The following LRRC47 variants were observed in gnomAD, a reference collection of about 807,000 sequenced individuals.
The protein encoded by LRRC47 is leucine-rich repeat-containing protein 47.
Under a neutral mutation model 40.9 loss-of-function variants are expected in LRRC47, and 31 were observed. The ratio of observed to expected loss-of-function variants is 0.76; its 90% CI spans 0.57 to 1.02. LRRC47 has a LOEUF of 1.02. Ranked by LOEUF, LRRC47 falls within the 50% of genes least tolerant of loss-of-function variation. LRRC47 has a pLI of 0.00. For missense variants in LRRC47, 726 were observed against 796.1 expected (o/e 0.91, Z 1.06); for synonymous variants, 427 against 371.9 (o/e 1.15, Z -1.70).
chr1:3,783,652 C>T (rs12563491), intron 4 of LRRC47: 26,710 of 228,866 alleles, frequency 0.12, 2,879 homozygotes, highest in East Asian at 0.51. Context: ...CAACAGCGCA[C>T]GGTATGGATA....
Position 3,796,415 on chromosome 1 carries a change from C to A in LRRC47, c.62G>T (p.Arg21Leu). The A allele has an allele frequency of 6.6e-7, 1 of 1,517,526 alleles. No individual in the cohort carries two copies. Among genetic ancestry groups the A allele is most frequent in the Non-Finnish European group, 8.8e-7 (1 of 1,140,482 alleles). The allele number at this position is 1,517,526 out of a possible 1,614,324, so 94.0% of individuals were successfully genotyped here. Residue 21 changes from arginine (R) to leucine (L), a missense_variant, in exon 1 of 7, where the codon CGG becomes CTG. By Grantham distance (102) the Arg-to-Leu change is moderately radical. Coordinates refer to ENST00000378251, the MANE Select transcript of LRRC47 (RefSeq NM_020710.3). ...PELELAERERRRELLLTGPGL... is the reference protein window; with the variant it reads ...PELELAERERLRELLLTGPGL... ...GGGCCCCGTCAGCAGCAGCTCCCGC[C>A]GCCGCTCGCGCTCAGCCAGCTCCAG...
intron 3 of LRRC47, among the ~76,000 whole-genome samples, chr1:3,784,643 A>G (rs1185344553): frequency 6.6e-6 from 1 of 152,226 alleles, no homozygotes. Context: ...AGTAACCGCA[A>G]ACGCGGTCTG....
intron 4 of LRRC47, chr1:3,783,749 C>G: frequency 1.9e-6 from 1 of 514,994 alleles, no homozygotes; most frequent in Non-Finnish European, 3.5e-6. Context: ...GGCCACCCGC[C>G]CCCTGTGGAA....
chr1:3,796,437 C>A lies in LRRC47; in HGVS notation c.40G>T (p.Glu14Ter). The A allele has an allele frequency of 6.6e-7, 1 of 1,522,334 alleles. No individual in the cohort carries two copies. Among genetic ancestry groups the A allele is most frequent in the East Asian group, 2.6e-5 (1 of 38,460 alleles). 94.3% of individuals were successfully genotyped at this position (1,522,334 alleles called of 1,614,324 possible). ...AAVSESWPEL[E>*]LAERERRREL... The stretch of plus-strand genomic sequence containing the variant: ...CGCCGCCGCTCGCGCTCAGCCAGCT[C>A]CAGCTCCGGCCAAGACTCTGACACC... Residue 14 changes from glutamate (E) to a stop codon, truncating the protein, a stop_gained, in exon 1 of 7, where the codon GAG (glutamate) becomes TAG (stop). Coordinates refer to ENST00000378251, the MANE Select transcript of LRRC47 (RefSeq NM_020710.3). LOFTEE classifies it high-confidence loss of function.
At chr1:3,784,841 C>G (rs955991618) in intron 3 of LRRC47, among the ~76,000 whole-genome samples, 2 of 152,158 alleles carry the variant, frequency 1.3e-5, no homozygotes, top group Admixed American at 6.5e-5. Flanking sequence ...ACTAAAAATA[C>G]AAAATTAGCT....
At chr1:3,794,749 A>AT (rs1447732807) in intron 1 of LRRC47, among the ~76,000 whole-genome samples, 3 of 151,754 alleles carry the variant, frequency 2.0e-5, no homozygotes, top group Non-Finnish European at 1.5e-5. Flanking sequence ...GTGTATACGT[A>AT]TTTTATTAAG....
chr1:3,780,880 G>A lies in LRRC47; in HGVS notation c.*208C>T. On this transcript the variant is annotated 3_prime_UTR_variant, in exon 7 of 7. Transcript: ENST00000378251. ...AGTCCCAGCTACTTGGGAGGCTGAG[G>A]CAGGAGAATCGCTTGAACCCAGGAG... The A allele has an allele frequency of 1.5e-6, 1 of 663,732 alleles. No homozygotes were observed. The highest frequency in any genetic ancestry group is 2.5e-6 in the Non-Finnish European group (1 of 405,014). 41.1% of individuals were successfully genotyped at this position (663,732 alleles called of 1,614,324 possible).
At position 3,780,262 on chromosome 1, in the gene LRRC47, C is replaced by G. The variant is rs935577746; in HGVS notation, c.*826G>C. 1.3e-5 allele frequency: 2 copies of G among 152,176 alleles called. No individual in the cohort carries two copies. Among genetic ancestry groups the G allele is most frequent in the Non-Finnish European group, 2.9e-5 (2 of 68,038 alleles). The allele number at this position is 152,176 out of a possible 1,614,324, so 9.4% of individuals were successfully genotyped here. On this transcript the variant is annotated 3_prime_UTR_variant, in exon 7 of 7. Transcript: ENST00000378251. ...TATTTATGTGTTTTCATCTGGAAAA[C>G]CAAGTGTCCCAGCAGCATGACTGAA...
intron 3 of LRRC47, 82 bp downstream of exon 3, chr1:3,785,005 A>T (rs1231668106): frequency 5.5e-6 from 6 of 1,098,406 alleles, no homozygotes; most frequent in Non-Finnish European, 7.6e-6. Context: ...AAAAAAAAAA[A>T]AGTTCGGGCT....
chr1:3,782,098 T>A (rs1643525935), intron 5 of LRRC47, among the ~76,000 whole-genome samples: 2 of 152,352 alleles, frequency 1.3e-5, no homozygotes, highest in African/African-American at 4.8e-5. Flanking sequence ...AACAGTGAGC[T>A]GTAGCTCTGA....
chr1:3,793,775 C>T (rs1288363787), intron 1 of LRRC47, among the ~76,000 whole-genome samples: 1 of 152,140 alleles, frequency 6.6e-6, no homozygotes, highest in Non-Finnish European at 1.5e-5. Flanking sequence ...TAAGCAGGAC[C>T]GTTTCCCACA....
At chr1:3,785,266 C>T (rs1211719932) in intron 2 of LRRC47, 63 bp from the exon 3 acceptor site, 3 of 1,211,886 alleles carry the variant, frequency 2.5e-6, no homozygotes, top group Middle Eastern at 2.6e-4. Context: ...GAGGTGTCCA[C>T]ACTTCACCCT....
chr1:3,794,911 G>C (rs1384600825), intron 1 of LRRC47, among the ~76,000 whole-genome samples: 1 of 151,618 alleles, frequency 6.6e-6, no homozygotes, highest in African/African-American at 2.4e-5. Context: ...AAAGTTAGCC[G>C]GGCGTGGTGG....
At chr1:3,787,383 A>G in intron 1 of LRRC47, 73 bp from the exon 2 acceptor site, 2 of 1,419,452 alleles carry the variant, frequency 1.4e-6, no homozygotes, top group East Asian at 2.4e-5. Flanking sequence ...CTCGAGAGGC[A>G]GGGAGACCAC....
intron 1 of LRRC47, among the ~76,000 whole-genome samples, chr1:3,794,395 C>G (rs555594112): frequency 1.3e-5 from 2 of 152,036 alleles, no homozygotes; most frequent in African/African-American, 4.8e-5. Flanking sequence ...CAGGGTCTCG[C>G]TCTGTTCAGG....
At chr1:3,792,609 C>T (rs1643638083) in intron 1 of LRRC47, among the ~76,000 whole-genome samples, 1 of 151,914 alleles carries the variant, frequency 6.6e-6, no homozygotes, top group Admixed American at 6.6e-5. Flanking sequence ...TACAGGCATG[C>T]ACCACCACAC....
At chr1:3,790,714 C>T (rs537209115) in intron 1 of LRRC47, among the ~76,000 whole-genome samples, 47 of 152,382 alleles carry the variant, frequency 3.1e-4, no homozygotes, top group African/African-American at 1.1e-3. Context: ...CATAGGACAG[C>T]AGAGGCCTCG....
chr1:3,782,616 G>C (rs780324452), intron 5 of LRRC47, 45 bp downstream of exon 5: 4 of 1,126,474 alleles, frequency 3.6e-6, no homozygotes, highest in Non-Finnish European at 4.1e-6. Flanking sequence ...ATTCTACAGG[G>C]AACAGCCTAG....
At chr1:3,783,810 A>G (rs1412495108) in intron 4 of LRRC47, 186 bp downstream of exon 4, 1 of 594,600 alleles carries the variant, frequency 1.7e-6, no homozygotes, top group African/African-American at 1.9e-5. Flanking sequence ...CGTCAGGGCC[A>G]TCTAGATGAC....
Sources: gnomAD v4.1 joint callset for allele counts (sites outside exome capture counted in the v4.1 genomes callset) on GRCh38, gnomAD v4.1.1 for gene constraint, MANE v1.5 for transcripts, NCBI Gene and HGNC (gene_info 2026-07-23, HGNC 2026-07-21) for gene names.